NKAIN2: variants seen among roughly 807,000 people sequenced by gnomAD.
NKAIN2 encodes sodium/potassium-transporting ATPase subunit beta-1-interacting protein 2.
In NKAIN2, 14 loss-of-function variants were observed where a neutral mutation model predicts 32.6. The ratio of observed to expected loss-of-function variants is 0.43; its 90% CI spans 0.28 to 0.67. The LOEUF (loss-of-function observed/expected upper bound fraction) is 0.67, where lower values mean the gene tolerates loss of function less well. Ranked by LOEUF, NKAIN2 falls within the 30% of genes least tolerant of loss-of-function variation. The pLI, the probability that NKAIN2 is intolerant of heterozygous loss-of-function variation, is 0.17. For missense variants in NKAIN2, 198 were observed against 258.3 expected, an observed-to-expected ratio of 0.77 and a Z score of 1.60; for synonymous variants, 80 against 87.2, an observed-to-expected ratio of 0.92 and a Z score of 0.46.
intron 2 of NKAIN2, among the ~76,000 whole-genome samples, chr6:124,347,691 C>T (rs1487921584): frequency 6.6e-6 from 1 of 152,166 alleles, no homozygotes; most frequent in African/African-American, 2.4e-5. Flanking sequence ...TCCATCAGCT[C>T]CTTTAAGCAC....
In NKAIN2 at chr6:124,273,356, A is replaced by G. The variant is rs548041208; in HGVS notation, c.55-9649A>G. ...TTTATAAGTGGTAGTTTTTCCTGCT[A>G]TCTCTCTCCTGCTGCCATGTAAGAC... On this transcript the variant is annotated intron_variant, in intron 1 of 6. Transcript: ENST00000368417. Among the ~76,000 whole-genome samples, 242 of 152,172 alleles carry G rather than the reference A, an allele frequency of 1.6e-3. 1 individual carries two copies. The Middle Eastern group carries it at 0.02, about 13-fold the overall frequency.
chr6:124,714,721 A>G (rs948535459), intron 4 of NKAIN2, among the ~76,000 whole-genome samples: 1 of 152,206 alleles, frequency 6.6e-6, no homozygotes, highest in Non-Finnish European at 1.5e-5. Context: ...GCAGGCTTTG[A>G]TATCACAAAA....
intron 1 of NKAIN2, among the ~76,000 whole-genome samples, chr6:124,192,753 T>G (rs865868054): frequency 8.0e-5 from 11 of 136,760 alleles, no homozygotes; most frequent in South Asian, 2.5e-4. Context: ...TTTTTTTTTT[T>G]TTTTTTTTTT....
At chr6:123,831,941 A>G (rs895544761) in intron 1 of NKAIN2, among the ~76,000 whole-genome samples, 2 of 152,172 alleles carry the variant, frequency 1.3e-5, no homozygotes, top group Non-Finnish European at 2.9e-5. Flanking sequence ...GGCGTGAGCC[A>G]CCATGCCTGG....
chr6:124,736,496 A>C (rs992652100), intron 4 of NKAIN2, among the ~76,000 whole-genome samples: 2 of 151,942 alleles, frequency 1.3e-5, no homozygotes, highest in Non-Finnish European at 2.9e-5. Context: ...AGCTAGACAG[A>C]AGTCAATGCC....
intron 3 of NKAIN2, among the ~76,000 whole-genome samples, chr6:124,457,057 A>G (rs1776350379): frequency 6.6e-6 from 1 of 151,928 alleles, no homozygotes; most frequent in Non-Finnish European, 1.5e-5. Context: ...ATTCTGGATC[A>G]GGGTAAGTTG....
At chr6:124,435,476 T>A (rs1583247911) in intron 3 of NKAIN2, among the ~76,000 whole-genome samples, 1 of 152,326 alleles carries the variant, frequency 6.6e-6, no homozygotes, top group African/African-American at 2.4e-5. Context: ...ATGTATTAAA[T>A]CTTTCGATTC....
chr6:124,277,606 T>C, intron 1 of NKAIN2, among the ~76,000 whole-genome samples: 1 of 152,150 alleles, frequency 6.6e-6, no homozygotes, highest in African/African-American at 2.4e-5. Context: ...GTTTGTTAGT[T>C]CCTTGAAGTC....
At chr6:124,191,478 T>C (rs547711780) in intron 1 of NKAIN2, among the ~76,000 whole-genome samples, 12 of 152,260 alleles carry the variant, frequency 7.9e-5, no homozygotes, top group African/African-American at 2.9e-4. Flanking sequence ...AACCTTATAA[T>C]TTTATTTATT....
At position 124,368,833 on chromosome 6, in the gene NKAIN2, A is replaced by G. The variant is rs146689297; in HGVS notation, c.273+13486A>G. Among the ~76,000 whole-genome samples, 320 of 152,286 alleles carry G rather than the reference A, an allele frequency of 2.1e-3. 1 individual carries two copies. The highest frequency in any genetic ancestry group is 0.01 in the Middle Eastern group (3 of 294). ...TGTTAGTAAAAAATAAACTATGTGC[A>G]GTTTCCCTTACCCAACATTTCTTTC... On this transcript the variant is annotated intron_variant, in intron 3 of 6. Coordinates refer to ENST00000368417, the MANE Select transcript of NKAIN2 (RefSeq NM_001040214.3).
chr6:124,779,679 A>G lies in NKAIN2; in HGVS notation c.475-11660A>G, dbSNP rs80322718. Among the ~76,000 whole-genome samples the G allele has an allele frequency of 3.5e-4, 54 of 152,280 alleles. No individual in the cohort carries two copies. The East Asian group carries it at 8.3e-3, about 24-fold the overall frequency. ...ACACCAGTGTGAACAAGCCCAGATT[A>G]TTCTGATGAATGATTAGATATGTGA... On this transcript the variant is annotated intron_variant, in intron 4 of 6. Coordinates refer to ENST00000368417, the MANE Select transcript of NKAIN2 (RefSeq NM_001040214.3).
intron 3 of NKAIN2, among the ~76,000 whole-genome samples, chr6:124,544,990 T>A (rs1358558307): frequency 6.6e-6 from 1 of 152,154 alleles, no homozygotes; most frequent in Non-Finnish European, 1.5e-5. Flanking sequence ...AATCAATGAT[T>A]CTTCTCTGGG....
At chr6:124,303,914 A>C (rs1490227766) in intron 2 of NKAIN2, among the ~76,000 whole-genome samples, 2 of 152,232 alleles carry the variant, frequency 1.3e-5, no homozygotes, top group African/African-American at 4.8e-5. Context: ...CATGATTGCA[A>C]GGGAAAAGTA....
chr6:124,719,009 G>A (rs146306827), intron 4 of NKAIN2, among the ~76,000 whole-genome samples: 119 of 152,228 alleles, frequency 7.8e-4, no homozygotes, highest in African/African-American at 2.8e-3. Context: ...TAGTAAAGAA[G>A]ACTTAAATAA....
At chr6:124,058,677 G>T (rs138239965) in intron 1 of NKAIN2, among the ~76,000 whole-genome samples, 1 of 152,006 alleles carries the variant, frequency 6.6e-6, no homozygotes, top group African/African-American at 2.4e-5. Flanking sequence ...CCTGTTTTTT[G>T]TATGACCCTT....
intron 1 of NKAIN2, among the ~76,000 whole-genome samples, chr6:123,974,722 C>T (rs1002198690): frequency 7.9e-5 from 12 of 152,102 alleles, no homozygotes; most frequent in South Asian, 4.2e-4. Context: ...CAACTGAGAT[C>T]GAGCGTGTCA....
chr6:124,704,765 A>G (rs144126239), intron 4 of NKAIN2, among the ~76,000 whole-genome samples: 26 of 151,940 alleles, frequency 1.7e-4, no homozygotes, highest in African/African-American at 6.0e-4. Flanking sequence ...CTGAAAATCT[A>G]CTATGATTTA....
At chr6:124,305,694 A>C (rs914459023) in intron 2 of NKAIN2, among the ~76,000 whole-genome samples, 1 of 152,048 alleles carries the variant, frequency 6.6e-6, no homozygotes. Context: ...TGATCTTGAT[A>C]CTTCATTTTC....
chr6:124,606,728 A>G (rs1208116014), intron 3 of NKAIN2, among the ~76,000 whole-genome samples: 1 of 152,162 alleles, frequency 6.6e-6, no homozygotes, highest in Non-Finnish European at 1.5e-5. Context: ...GAACAGGATG[A>G]CAGTCTATCT....
Sources: gnomAD v4.1 joint callset for allele counts (sites outside exome capture counted in the v4.1 genomes callset) on GRCh38, gnomAD v4.1.1 for gene constraint, MANE v1.5 for transcripts, NCBI Gene and HGNC (gene_info 2026-07-23, HGNC 2026-07-21) for gene names.